The following SLIT1 variants were observed in gnomAD, a reference collection of about 807,000 sequenced individuals.
SLIT1 encodes the protein slit homolog 1 protein.
In SLIT1, 66 loss-of-function variants were observed where a neutral mutation model predicts 186.1. The observed-to-expected ratio is 0.35, with a 90% CI of 0.29 to 0.44. The LOEUF is 0.44. Ranked by LOEUF, SLIT1 falls within the 20% of genes least tolerant of loss-of-function variation. SLIT1 has a pLI of 1.00. For missense variants in SLIT1, 1,638 were observed against 2,037.4 expected (o/e 0.80, Z 3.77); for synonymous variants, 761 against 833.8 (o/e 0.91, Z 1.50).
chr10:97,024,273 A>G (rs1848526446), intron 25 of SLIT1, among the ~76,000 whole-genome samples: 1 of 152,096 alleles, frequency 6.6e-6, no homozygotes, highest in Non-Finnish European at 1.5e-5. Context: ...CTGATGATTC[A>G]CAATCTTATA....
intron 21 of SLIT1, among the ~76,000 whole-genome samples, chr10:97,039,500 C>T (rs189432942): frequency 3.1e-4 from 47 of 152,284 alleles, no homozygotes; most frequent in African/African-American, 1.1e-3. Flanking sequence ...TAAAAACGCA[C>T]CGCTCTCTGA....
rs1848272651 is a variant in SLIT1, at chr10:96,998,802, C to CT, written c.*2309dup. On this transcript the variant is annotated 3_prime_UTR_variant, in exon 37 of 37. Transcript: ENST00000266058. ...AGGGGAGCCTTAAGCTCACATGGTG[C>CT]TCCCTAGGAACAAACATGCCAGCCG... The CT allele has an allele frequency of 6.6e-6, 1 of 152,398 alleles. No individual in the cohort carries two copies. The highest frequency in any genetic ancestry group is 1.5e-5 in the Non-Finnish European group (1 of 68,200). 9.4% of individuals were successfully genotyped at this position (152,398 alleles called of 1,614,324 possible). A position where few individuals can be genotyped will look rare whatever the true frequency, so the allele number is the denominator to read the frequency against.
chr10:97,013,401 C>A (rs554483616), intron 30 of SLIT1, among the ~76,000 whole-genome samples: 5 of 152,234 alleles, frequency 3.3e-5, no homozygotes, highest in African/African-American at 1.2e-4. Context: ...GATGCCAGAC[C>A]GGGAGCTAAG....
Position 97,164,821 on chromosome 10 carries a change from C to T in SLIT1, c.267G>A (p.Val89=), listed in dbSNP as rs773170003. The change falls in exon 2 of 37, where the codon GTG becomes GTA. Residue 89 remains valine (V), a splice_region_variant and synonymous_variant. Coordinates refer to ENST00000266058, the MANE Select transcript of SLIT1 (RefSeq NM_003061.3). ...NDFAGLKQLR[V]LQLMENQIGA... Reference sequence around the variant, plus strand: ...GGGAGGGAGCACCCCATACTCACAGCACCCGCAGCTGCTTGAGCCCCGCAA... The same window carrying T: ...GGGAGGGAGCACCCCATACTCACAGTACCCGCAGCTGCTTGAGCCCCGCAA... The T allele has an allele frequency of 1.2e-6, 2 of 1,612,366 alleles. No homozygotes were observed. The highest frequency in any genetic ancestry group is 1.7e-5 in the Admixed American group (1 of 60,012).
intron 4 of SLIT1, among the ~76,000 whole-genome samples, chr10:97,124,362 G>T (rs1039979895): frequency 6.6e-6 from 1 of 152,186 alleles, no homozygotes; most frequent in Non-Finnish European, 1.5e-5. Context: ...AGGGAGGGGG[G>T]TCTGTCAGCT....
At chr10:97,166,565 G>GAAAGAA (rs1286035999) in intron 1 of SLIT1, among the ~76,000 whole-genome samples, 5 of 31,666 alleles carry the variant, frequency 1.6e-4, no homozygotes, top group Non-Finnish European at 2.5e-4. Flanking sequence ...GAAAGAGAGA[G>GAAAGAA]AGAGAGAAAG....
chr10:97,049,269 G>C, intron 13 of SLIT1, 151 bp from the exon 14 acceptor site: 6 of 899,010 alleles, frequency 6.7e-6, no homozygotes, highest in Non-Finnish European at 8.3e-6. Flanking sequence ...AGAGAGTGGG[G>C]TGAACCCCCA....
chr10:97,018,020 T>C (rs1848469009), intron 28 of SLIT1, among the ~76,000 whole-genome samples: 2 of 152,048 alleles, frequency 1.3e-5, no homozygotes, highest in Admixed American at 1.3e-4. Context: ...AGCTAATTTT[T>C]GTATTTTTAT....
chr10:97,174,609 T>C (rs538209587), intron 1 of SLIT1, among the ~76,000 whole-genome samples: 18 of 152,336 alleles, frequency 1.2e-4, no homozygotes, highest in Middle Eastern at 3.4e-3. Context: ...CCCTTGCGCC[T>C]GGGCTCCTGG....
intron 4 of SLIT1, among the ~76,000 whole-genome samples, chr10:97,118,187 T>C (rs1342746017): frequency 6.6e-6 from 1 of 152,136 alleles, no homozygotes; most frequent in Non-Finnish European, 1.5e-5. Flanking sequence ...AAGGACTATA[T>C]GGTATAAGAA....
chr10:97,161,475 C>A (rs1589416538), intron 3 of SLIT1, among the ~76,000 whole-genome samples: 1 of 152,106 alleles, frequency 6.6e-6, no homozygotes, highest in African/African-American at 2.4e-5. Context: ...ATCCTATTTT[C>A]TTTAATATAA....
At chr10:97,122,736 C>T (rs1413310118) in intron 4 of SLIT1, among the ~76,000 whole-genome samples, 1 of 152,158 alleles carries the variant, frequency 6.6e-6, no homozygotes, top group Non-Finnish European at 1.5e-5. Flanking sequence ...TTGCCAAATG[C>T]CAGTGATGCT....
intron 26 of SLIT1, among the ~76,000 whole-genome samples, chr10:97,020,192 C>G (rs1226401986): frequency 6.6e-6 from 1 of 151,862 alleles, no homozygotes; most frequent in African/African-American, 2.4e-5. Flanking sequence ...AGGCTGGTCT[C>G]GAACTCCTGG....
At chr10:97,094,153 A>C (rs1849262185) in intron 4 of SLIT1, among the ~76,000 whole-genome samples, 1 of 152,246 alleles carries the variant, frequency 6.6e-6, no homozygotes, top group Non-Finnish European at 1.5e-5. Flanking sequence ...AAGAAAGGCC[A>C]AGGCCAAAAA....
Position 97,040,042 on chromosome 10 carries a change from C to T in SLIT1, c.2243G>A (p.Ser748Asn), listed in dbSNP as rs1848676550. The T allele has an allele frequency of 6.2e-7, 1 of 1,613,362 alleles. No individual in the cohort carries two copies. The highest frequency in any genetic ancestry group is 8.5e-7 in the Non-Finnish European group (1 of 1,179,616). Residue 748 changes from serine to asparagine, a missense_variant, in exon 21 of 37, where the codon AGC becomes AAC. By Grantham distance (46) the Ser-to-Asn change is conservative. This residue lies in a region of SLIT1 where 1,245 missense variants were observed against 1,535.3 expected (regional missense o/e 0.81). Transcript: ENST00000266058. ...CACLDTVVRC[S>N]NKHLRALPKG... ...GGGCAGGGCCCGCAGGTGCTTGTTG[C>T]TGCATCGGACCACGGTGTCCAGGCA...
intron 16 of SLIT1, among the ~76,000 whole-genome samples, 193 bp from the exon 17 acceptor site, chr10:97,047,258 T>G (rs1848742878): frequency 6.6e-6 from 1 of 152,162 alleles, no homozygotes; most frequent in Non-Finnish European, 1.5e-5. Flanking sequence ...ATTTTTAACA[T>G]TAAAAATGCC....
rs1342378448 is a variant in SLIT1 at position 97,066,038 on chromosome 10, C to T, written c.462G>A (p.Arg154=). The T allele has an allele frequency of 6.2e-7, 1 of 1,606,046 alleles. No homozygotes were observed. ...ACAAATTTTTAAGGTCCGTAGCTCC[C>T]CGAAAAGCTTTCCTGGGGATGGCCT... ...AIQAIPRKAF[R]GATDLKNLQL... is the part of the protein sequence containing the mutation. Residue 154 remains arginine (R), a synonymous_variant, in exon 5 of 37, where the codon CGG becomes CGA. Transcript: ENST00000266058.
intron 6 of SLIT1, 68 bp from the exon 7 acceptor site, chr10:97,064,307 T>A: frequency 7.5e-7 from 1 of 1,330,716 alleles, no homozygotes; most frequent in Non-Finnish European, 1.1e-6. Context: ...AGGGCCGCCC[T>A]GCTAACGAAC....
chr10:97,096,054 G>A (rs893018649), intron 4 of SLIT1, among the ~76,000 whole-genome samples: 12 of 152,094 alleles, frequency 7.9e-5, no homozygotes, highest in African/African-American at 1.9e-4. Flanking sequence ...AGCAGAGAAA[G>A]AATCTCTCAC....
Sources: allele counts gnomAD v4.1 joint callset (sites outside exome capture counted in the v4.1 genomes callset), GRCh38; gene constraint gnomAD v4.1.1; regional missense constraint gnomAD v4.1.1; transcripts MANE v1.5; gene names NCBI Gene and HGNC (gene_info 2026-07-23, HGNC 2026-07-21).